Variants in HMCN1 observed in about 807,000 individuals in gnomAD.
HMCN1 encodes the protein hemicentin 1.
A neutral mutation model predicts 625.9 loss-of-function variants in HMCN1; 321 were observed. That is an observed-to-expected ratio of 0.51 (90% CI 0.47 to 0.56). The LOEUF is 0.56. Ranked by LOEUF, HMCN1 falls within the 20% of genes least tolerant of loss-of-function variation. The pLI is 0.00. For synonymous variants in HMCN1, 2,425 were observed against 2,417.6 expected (o/e 1.00, Z -0.09); for missense variants, 6,588 against 6,887.3 (o/e 0.96, Z 1.54).
chr1:185,844,764 C>G (rs1035763148), intron 1 of HMCN1, among the ~76,000 whole-genome samples: 1 of 152,186 alleles, frequency 6.6e-6, no homozygotes. Flanking sequence ...TACATGGATT[C>G]TCTCTGGGGA....
chr1:186,091,348 A>G (rs1659833089), intron 64 of HMCN1, among the ~76,000 whole-genome samples: 1 of 152,014 alleles, frequency 6.6e-6, no homozygotes, highest in Non-Finnish European at 1.5e-5. Flanking sequence ...TGAAACCACC[A>G]AACTGTGTAC....
chr1:185,994,503 A>T (rs1338782851), intron 23 of HMCN1, among the ~76,000 whole-genome samples: 1 of 152,160 alleles, frequency 6.6e-6, no homozygotes, highest in Non-Finnish European at 1.5e-5. Flanking sequence ...AAATTAAAAG[A>T]AGCCTAATAT....
chr1:186,174,026 T>C (rs148477199), intron 102 of HMCN1, among the ~76,000 whole-genome samples: 159 of 152,338 alleles, frequency 1.0e-3, no homozygotes, highest in African/African-American at 3.6e-3. Flanking sequence ...CATTTAAAGC[T>C]TGATGGACTT....
chr1:186,065,703 G>C (rs865844068), intron 49 of HMCN1, among the ~76,000 whole-genome samples: 1 of 152,092 alleles, frequency 6.6e-6, no homozygotes, highest in Admixed American at 6.5e-5. Context: ...AAGATATGTT[G>C]GTCAAAGAGA....
chr1:186,034,963 A>G lies in HMCN1; in HGVS notation c.5750-2971A>G, dbSNP rs115400527. On this transcript the variant is annotated intron_variant, in intron 36 of 106. Coordinates refer to ENST00000271588, the MANE Select transcript of HMCN1 (RefSeq NM_031935.3). ...TGCCAACCCATTCCATAGCTCTTGT[A>G]TTTCTTATTCCCATCATAGTGTTTT... Among the ~76,000 whole-genome samples the G allele has an allele frequency of 6.3e-3, 962 of 152,150 alleles. 14 individuals carry two copies. The highest frequency in any genetic ancestry group is 0.022 in the African/African-American group (899 of 41,524).
chr1:185,823,089 T>G (rs893490330), intron 1 of HMCN1, among the ~76,000 whole-genome samples: 2 of 152,102 alleles, frequency 1.3e-5, no homozygotes, highest in African/African-American at 4.8e-5. Context: ...AGACATTATA[T>G]CATGAGTATT....
In HMCN1 at chr1:185,864,604, A is replaced by G; in HGVS notation, c.474A>G (p.Gln158=). The change falls in exon 3 of 107, where the codon CAA becomes CAG. Residue 158 remains glutamine, a synonymous_variant. Coordinates refer to ENST00000271588, the MANE Select transcript of HMCN1 (RefSeq NM_031935.3). ...ACCGGCTCACCCATGAGGTGCTGCA[A>G]CTTATCCAACAGAAACAGTCACAAG... ...KDYRLTHEVL[Q]LIQQKQSQVV... 4 of 1,614,074 alleles carry G rather than the reference A, an allele frequency of 2.5e-6. No individual in the cohort carries two copies. The highest frequency in any genetic ancestry group is 1.1e-5 in the South Asian group (1 of 91,070).
At chr1:185,747,932 G>A (rs1408755478) in intron 1 of HMCN1, among the ~76,000 whole-genome samples, 1 of 152,016 alleles carries the variant, frequency 6.6e-6, no homozygotes, top group East Asian at 1.9e-4. Context: ...CCAAAAGTGT[G>A]TCAGGGTAAC....
chr1:185,891,933 C>A (rs986936177), intron 4 of HMCN1, among the ~76,000 whole-genome samples: 3 of 149,492 alleles, frequency 2.0e-5, no homozygotes, highest in African/African-American at 7.7e-5. Context: ...TTCTCCCCAT[C>A]ACTTTTAGGT....
At chr1:186,154,267 C>T (rs1313743515) in intron 97 of HMCN1, among the ~76,000 whole-genome samples, 1 of 152,074 alleles carries the variant, frequency 6.6e-6, no homozygotes, top group Admixed American at 6.6e-5. Flanking sequence ...TGTGGCGGGG[C>T]GTGGTGGCTC....
At chr1:185,926,932 T>C (rs1667307272) in intron 9 of HMCN1, among the ~76,000 whole-genome samples, 2 of 152,228 alleles carry the variant, frequency 1.3e-5, no homozygotes, top group African/African-American at 4.8e-5. Context: ...GTGCTTAATG[T>C]CAACTGAGAA....
rs2102206380 is a variant in HMCN1 at position 186,033,162 on chromosome 1, G to A, written c.5750-4772G>A. 1.3e-5 allele frequency among the ~76,000 whole-genome samples: 2 copies of A among 152,124 alleles called. 1 individual carries two copies. The highest frequency in any genetic ancestry group is 4.1e-4 in the South Asian group (2 of 4,820). On this transcript the variant is annotated intron_variant, in intron 36 of 106. Coordinates refer to ENST00000271588, the MANE Select transcript of HMCN1 (RefSeq NM_031935.3). ...CTTTTGCAGCAACTTGGATGGAGCT[G>A]GAGGCCAGTATTCTAAGTGAAGTAA...
chr1:186,073,444 T>C (rs1658596896), intron 52 of HMCN1, among the ~76,000 whole-genome samples: 1 of 152,062 alleles, frequency 6.6e-6, no homozygotes, highest in South Asian at 2.1e-4. Context: ...TGTAGAAATG[T>C]AGAGGTGGGC....
chr1:186,094,518 A>G (rs1210092925), intron 67 of HMCN1, 145 bp downstream of exon 67: 1 of 706,466 alleles, frequency 1.4e-6, no homozygotes, highest in Non-Finnish European at 2.6e-6. Flanking sequence ...TGACTAGAGA[A>G]TGTATTTTCT....
At position 185,890,339 on chromosome 1, in the gene HMCN1, T is replaced by A. The variant is rs533620881; in HGVS notation, c.622-18998T>A. Among the ~76,000 whole-genome samples, 13 of 148,398 alleles carry A rather than the reference T, an allele frequency of 8.8e-5. 2 individuals are homozygous for A. The highest frequency in any genetic ancestry group is 3.4e-4 in the African/African-American group (13 of 37,746). ...GTTCTGCTCTGATTTTAGGTATTTC[T>A]TGCCTTCTGCTAGCTTTTGAATGGG... On this transcript the variant is annotated intron_variant, in intron 4 of 106. Transcript: ENST00000271588.
At chr1:186,133,641 G>A (rs967632916) in intron 86 of HMCN1, among the ~76,000 whole-genome samples, 19 of 152,144 alleles carry the variant, frequency 1.2e-4, no homozygotes, top group Non-Finnish European at 2.2e-4. Flanking sequence ...ATTGAGAGAT[G>A]CTCTAGATTA....
At chr1:185,898,004 A>G (rs59787112) in intron 4 of HMCN1, among the ~76,000 whole-genome samples, 9,680 of 152,236 alleles carry the variant, frequency 0.064, 1,083 homozygotes, top group African/African-American at 0.22. Flanking sequence ...TAAGGATTAT[A>G]ATAGTATTAA....
chr1:186,079,329 C>T (rs1659026435), intron 55 of HMCN1, among the ~76,000 whole-genome samples: 1 of 152,156 alleles, frequency 6.6e-6, no homozygotes, highest in African/African-American at 2.4e-5. Flanking sequence ...TCCTGCCTGC[C>T]TTAAAGGAGC....
chr1:186,185,427 A>G (rs966362943), intron 105 of HMCN1, among the ~76,000 whole-genome samples: 1 of 152,236 alleles, frequency 6.6e-6, no homozygotes, highest in Non-Finnish European at 1.5e-5. Context: ...CTCCTGGCTG[A>G]TAAAATCATA....
Sources: gnomAD v4.1 joint callset for allele counts (sites outside exome capture counted in the v4.1 genomes callset) on GRCh38, gnomAD v4.1.1 for gene constraint, MANE v1.5 for transcripts, NCBI Gene and HGNC (gene_info 2026-07-23, HGNC 2026-07-21) for gene names.